Variants in USP25 observed in about 807,000 individuals in gnomAD.
USP25 encodes the protein ubiquitin specific peptidase 25, also known as ubiquitin carboxyl-terminal hydrolase 25.
In USP25, 85 loss-of-function variants were observed where a neutral mutation model predicts 158.5. That is an observed-to-expected ratio of 0.54 (90% CI 0.45 to 0.64). The LOEUF (loss-of-function observed/expected upper bound fraction) is 0.64, where lower values mean the gene tolerates loss of function less well. Among genes scored for constraint, USP25 ranks in the 30% least tolerant of loss-of-function variants. The pLI, the probability that USP25 is intolerant of heterozygous loss-of-function variation, is 0.00. For missense variants in USP25, 1,242 were observed against 1,327.3 expected, an observed-to-expected ratio of 0.94 and a Z score of 1.00; for synonymous variants, 464 against 460.4, an observed-to-expected ratio of 1.01 and a Z score of -0.10.
At chr21:15,750,216 T>A (rs200678950) in intron 1 of USP25, among the ~76,000 whole-genome samples, 188 of 8,520 alleles carry the variant, frequency 0.022, no homozygotes, top group Admixed American at 0.062. Context: ...GTGTGTATGT[T>A]TTTTTTTTTT....
intron 1 of USP25, among the ~76,000 whole-genome samples, chr21:15,749,862 A>G (rs1000262955): frequency 3.9e-5 from 6 of 152,218 alleles, no homozygotes; most frequent in African/African-American, 1.4e-4. Context: ...TGTTATCTAC[A>G]CATGGTTTTA....
chr21:15,743,764 A>C (rs1044624183), intron 1 of USP25, among the ~76,000 whole-genome samples: 1 of 151,898 alleles, frequency 6.6e-6, no homozygotes, highest in Non-Finnish European at 1.5e-5. Flanking sequence ...GAGTTGGTCT[A>C]CTGTGGCGCC....
At chr21:15,835,974 A>G (rs1013336714) in intron 17 of USP25, among the ~76,000 whole-genome samples, 4 of 152,146 alleles carry the variant, frequency 2.6e-5, no homozygotes, top group African/African-American at 9.7e-5. Flanking sequence ...TTTATTCCCT[A>G]TTATTAATAG....
intron 1 of USP25, among the ~76,000 whole-genome samples, chr21:15,742,298 C>T (rs907298717): frequency 6.6e-4 from 100 of 152,066 alleles, no homozygotes; most frequent in African/African-American, 2.2e-3. Flanking sequence ...TACATCCTCA[C>T]GGAAGTGGGA....
At chr21:15,855,579 C>T (rs1001887218) in intron 20 of USP25, among the ~76,000 whole-genome samples, 7 of 152,192 alleles carry the variant, frequency 4.6e-5, no homozygotes, top group East Asian at 1.9e-4. Flanking sequence ...TTCAAGACAG[C>T]GGTCCAACAT....
At chr21:15,764,494 A>C (rs1461224874) in intron 2 of USP25, among the ~76,000 whole-genome samples, 1 of 152,118 alleles carries the variant, frequency 6.6e-6, no homozygotes, top group East Asian at 1.9e-4. Flanking sequence ...CATTATAAAT[A>C]CTGACGAGAA....
intron 1 of USP25, among the ~76,000 whole-genome samples, chr21:15,743,247 C>T (rs1447006281): frequency 6.6e-6 from 1 of 152,218 alleles, no homozygotes. Flanking sequence ...GAGTGTGTAA[C>T]AGCTCTTTTC....
intron 20 of USP25, among the ~76,000 whole-genome samples, chr21:15,850,832 A>C (rs896856388): frequency 6.6e-6 from 1 of 151,992 alleles, no homozygotes; most frequent in Non-Finnish European, 1.5e-5. Context: ...TAGGGTGACT[A>C]ACTCTCCTGA....
chr21:15,868,697 T>C (rs2039759911), intron 22 of USP25, among the ~76,000 whole-genome samples: 1 of 152,200 alleles, frequency 6.6e-6, no homozygotes. Flanking sequence ...TGTATACATA[T>C]TGTCTGTGGA....
chr21:15,827,395 A>G (rs533832437), intron 14 of USP25, among the ~76,000 whole-genome samples, 192 bp downstream of exon 14: 17 of 152,314 alleles, frequency 1.1e-4, no homozygotes, highest in African/African-American at 3.6e-4. Flanking sequence ...ACAGGGACCA[A>G]AAGATTTTCC....
chr21:15,857,214 G>A (rs913280497), intron 20 of USP25, among the ~76,000 whole-genome samples: 4 of 152,188 alleles, frequency 2.6e-5, no homozygotes, highest in African/African-American at 7.2e-5. Context: ...TTCAGGCAGT[G>A]TCTGTCACAT....
chr21:15,758,136 G>A (rs2033504010), intron 1 of USP25, among the ~76,000 whole-genome samples: 1 of 152,158 alleles, frequency 6.6e-6, no homozygotes, highest in African/African-American at 2.4e-5. Context: ...TCAATCTCTG[G>A]GGATGAGGCC....
At chr21:15,751,766 A>G (rs919688725) in intron 1 of USP25, among the ~76,000 whole-genome samples, 2 of 152,202 alleles carry the variant, frequency 1.3e-5, no homozygotes, top group Admixed American at 6.5e-5. Flanking sequence ...CATAGAAACC[A>G]TGTTTCCTGG....
intron 4 of USP25, among the ~76,000 whole-genome samples, chr21:15,779,704 A>G (rs2034854861): frequency 6.6e-6 from 1 of 151,866 alleles, no homozygotes; most frequent in South Asian, 2.1e-4. Context: ...GCAAAAGAAA[A>G]TCTCTTCAGA....
intron 1 of USP25, among the ~76,000 whole-genome samples, chr21:15,754,836 TTTC>T (rs886825348): frequency 2.0e-5 from 3 of 152,228 alleles, no homozygotes; most frequent in African/African-American, 4.8e-5. Flanking sequence ...CAGGAGATTT[TTTC>T]TTCTTCTTTG....
intron 5 of USP25, among the ~76,000 whole-genome samples, chr21:15,792,959 C>T (rs980210180): frequency 2.6e-5 from 4 of 151,764 alleles, no homozygotes; most frequent in African/African-American, 4.8e-5. Flanking sequence ...AAAGCAATAT[C>T]TAAAATATTG....
At position 15,826,121 on chromosome 21, in the gene USP25, C is replaced by T. The variant is rs1198825932; in HGVS notation, c.1305-83C>T. ...TGCTGAGGAAGTTTTATTGAAGTAT[C>T]GTATCACGTTTTATAATAATAATAA... On this transcript the variant is annotated intron_variant, in intron 12 of 25. Coordinates refer to ENST00000400183, the MANE Select transcript of USP25 (RefSeq NM_001283041.3). The surrounding 1 kb of genome is among the most constrained non-coding windows in gnomAD (Gnocchi z 4.8). The T allele has an allele frequency of 1.1e-5, 15 of 1,365,708 alleles. No homozygotes were observed. Among genetic ancestry groups the T allele is most frequent in the South Asian group, 4.4e-5 (3 of 68,346 alleles). 84.6% of individuals were successfully genotyped at this position (1,365,708 alleles called of 1,614,324 possible).
intron 14 of USP25, among the ~76,000 whole-genome samples, chr21:15,828,811 G>A (rs574384538): frequency 1.2e-4 from 18 of 152,112 alleles, no homozygotes; most frequent in African/African-American, 3.9e-4. Context: ...ACTAATTTTT[G>A]TATTTTTAGT....
chr21:15,775,194 G>A (rs2034569434), intron 3 of USP25, among the ~76,000 whole-genome samples: 1 of 151,978 alleles, frequency 6.6e-6, no homozygotes. Flanking sequence ...TTGCTTTTTT[G>A]TTGCTTGAAT....
Sources: allele counts gnomAD v4.1 joint callset (sites outside exome capture counted in the v4.1 genomes callset), GRCh38; gene constraint gnomAD v4.1.1; non-coding constraint Gnocchi (gnomAD v3.1); transcripts MANE v1.5; gene names NCBI Gene and HGNC (gene_info 2026-07-23, HGNC 2026-07-21).